The following PRKG1 variants were observed in gnomAD, a reference collection of about 807,000 sequenced individuals.
The protein encoded by PRKG1 is protein kinase cGMP-dependent 1, also known as cGMP-dependent protein kinase 1.
In PRKG1, 35 loss-of-function variants were observed where a neutral mutation model predicts 88.1. The observed-to-expected ratio is 0.40, with a 90% confidence interval of 0.30 to 0.53. The LOEUF (loss-of-function observed/expected upper bound fraction) is 0.53, where lower values mean the gene tolerates loss of function less well. PRKG1 is among the 20% of genes least tolerant of loss of function. The pLI, the probability that PRKG1 is intolerant of heterozygous loss-of-function variation, is 0.59. For synonymous variants in PRKG1, 303 were observed against 292.5 expected (o/e 1.04, Z -0.37); for missense variants, 540 against 839.8 (o/e 0.64, Z 4.41).
rs1359914171 is a variant in PRKG1 at position 51,074,831 on chromosome 10, G to A, written c.241G>A (p.Ala81Thr). ...EPRTKRQAIS[A>T]EPTAFDIQDL... ...GCGCACCAAGCGGCAGGCGATCTCC[G>A]CCGAGCCCACCGCCTTCGACATCCA... Residue 81 changes from alanine (A) to threonine (T), a missense_variant, in exon 1 of 18, where the codon GCC becomes ACC. By Grantham distance (58) the Ala-to-Thr change is moderately conservative. Around this residue, in one of 5 missense-constraint regions of PRKG1, gnomAD observed 400 missense variants for 562.7 expected, o/e 0.71. Transcript: ENST00000373980. 6.2e-7 allele frequency: 1 copy of A among 1,613,418 alleles called. No individual in the cohort carries two copies.
At chr10:51,810,716 AT>A (rs1322320014) in intron 4 of PRKG1, among the ~76,000 whole-genome samples, 2 of 152,132 alleles carry the variant, frequency 1.3e-5, no homozygotes, top group Non-Finnish European at 2.9e-5. Context: ...CCTTAAAAAA[AT>A]ATGACTTTGT....
At chr10:51,600,610 T>G (rs186879221) in intron 3 of PRKG1, among the ~76,000 whole-genome samples, 2 of 152,300 alleles carry the variant, frequency 1.3e-5, no homozygotes, top group Non-Finnish European at 2.9e-5. Flanking sequence ...CCAAATATTA[T>G]CATTTCAATC....
At chr10:52,099,413 G>C (rs758845549) in intron 7 of PRKG1, among the ~76,000 whole-genome samples, 8 of 152,148 alleles carry the variant, frequency 5.3e-5, no homozygotes, top group Non-Finnish European at 8.8e-5. Flanking sequence ...ATTTTTCCCT[G>C]TGATAAGTCT....
intron 2 of PRKG1, among the ~76,000 whole-genome samples, chr10:51,439,390 A>C (rs1164191562): frequency 6.6e-6 from 1 of 151,832 alleles, no homozygotes; most frequent in Non-Finnish European, 1.5e-5. Flanking sequence ...CTCACTGTAG[A>C]TTCCAGCCAT....
intron 3 of PRKG1, among the ~76,000 whole-genome samples, chr10:51,731,869 T>C (rs1003138186): frequency 2.0e-5 from 3 of 152,064 alleles, no homozygotes; most frequent in Non-Finnish European, 2.9e-5. Context: ...TAAAGTAGGA[T>C]TGGTTTCTTC....
chr10:51,261,953 C>T (rs972097940), intron 2 of PRKG1, among the ~76,000 whole-genome samples: 11 of 145,162 alleles, frequency 7.6e-5, no homozygotes, highest in South Asian at 2.2e-4. Context: ...GGTGCAATCG[C>T]TCGGCTCACT....
At chr10:51,825,469 A>G (rs1174920749) in intron 4 of PRKG1, among the ~76,000 whole-genome samples, 5 of 152,170 alleles carry the variant, frequency 3.3e-5, no homozygotes, top group Non-Finnish European at 7.3e-5. Context: ...AAAATTTAAC[A>G]TTACACGTTC....
chr10:51,617,282 T>A (rs1367120498), intron 3 of PRKG1, among the ~76,000 whole-genome samples: 1 of 152,184 alleles, frequency 6.6e-6, no homozygotes, highest in Non-Finnish European at 1.5e-5. Flanking sequence ...CTTCCTTCTA[T>A]TAGGTGTATC....
chr10:52,193,693 A>C (rs1047480964), intron 9 of PRKG1, among the ~76,000 whole-genome samples: 1 of 152,190 alleles, frequency 6.6e-6, no homozygotes, highest in Admixed American at 6.5e-5. Context: ...TTAACAAACA[A>C]CATCAACAAA....
chr10:51,292,311 T>C (rs1360757561), intron 2 of PRKG1, among the ~76,000 whole-genome samples: 1 of 152,140 alleles, frequency 6.6e-6, no homozygotes, highest in Non-Finnish European at 1.5e-5. Flanking sequence ...TAACCTCAAG[T>C]CTTCATTTTC....
At chr10:52,229,499 G>A (rs573016410) in intron 9 of PRKG1, among the ~76,000 whole-genome samples, 2 of 152,284 alleles carry the variant, frequency 1.3e-5, no homozygotes, top group Admixed American at 1.3e-4. Context: ...AATGGAAGAG[G>A]GGTCTATCTA....
chr10:51,655,065 C>A (rs1248784136), intron 3 of PRKG1, among the ~76,000 whole-genome samples: 2 of 152,172 alleles, frequency 1.3e-5, no homozygotes, highest in Non-Finnish European at 2.9e-5. Context: ...GGAGAAGACA[C>A]TGCTGATGGT....
chr10:51,930,008 A>G (rs924691040), intron 5 of PRKG1, among the ~76,000 whole-genome samples: 1 of 152,156 alleles, frequency 6.6e-6, no homozygotes, highest in Non-Finnish European at 1.5e-5. Context: ...GAAGAAAAGA[A>G]AGTGACATGA....
chr10:51,575,352 T>A (rs1348679267), intron 3 of PRKG1, among the ~76,000 whole-genome samples: 2 of 151,988 alleles, frequency 1.3e-5, no homozygotes, highest in African/African-American at 4.8e-5. Context: ...ACACTGCAGT[T>A]TGAGGTGTGT....
At chr10:52,290,140 A>G in intron 16 of PRKG1, 84 bp from the exon 17 acceptor site, 1 of 1,111,760 alleles carries the variant, frequency 9.0e-7, no homozygotes. Context: ...ACTGCTTCCC[A>G]TTAGCCATGG....
intron 2 of PRKG1, among the ~76,000 whole-genome samples, chr10:51,385,861 T>C (rs1837235678): frequency 6.6e-6 from 1 of 152,214 alleles, no homozygotes; most frequent in Admixed American, 6.5e-5. Flanking sequence ...GTTTTCTTTT[T>C]CCTCTCTCAC....
intron 4 of PRKG1, 124 bp downstream of exon 4, chr10:51,804,814 G>T: frequency 1.6e-6 from 1 of 638,592 alleles, no homozygotes; most frequent in Non-Finnish European, 2.7e-6. Context: ...GTCTACAAAT[G>T]TGTAGAGATG....
chr10:50,997,530 T>C (rs891583229), intron 1 of PRKG1, among the ~76,000 whole-genome samples: 3 of 152,098 alleles, frequency 2.0e-5, no homozygotes, highest in African/African-American at 7.2e-5. Flanking sequence ...ATGCTGAGAG[T>C]GCGTTAAAAC....
intron 3 of PRKG1, among the ~76,000 whole-genome samples, chr10:51,778,677 A>G (rs892647387): frequency 2.0e-5 from 3 of 152,192 alleles, no homozygotes; most frequent in Admixed American, 6.5e-5. Flanking sequence ...AGACAGAAAC[A>G]AACATAATAA....
Sources: gnomAD v4.1 joint callset for allele counts (sites outside exome capture counted in the v4.1 genomes callset) on GRCh38, gnomAD v4.1.1 for gene constraint, gnomAD v4.1.1 regional missense constraint, MANE v1.5 for transcripts, NCBI Gene and HGNC (gene_info 2026-07-23, HGNC 2026-07-21) for gene names.